RBFOX1: variants seen among roughly 807,000 people sequenced by gnomAD.
RBFOX1 encodes RNA binding protein fox-1 homolog 1.
In RBFOX1, 8 loss-of-function variants were observed where a neutral mutation model predicts 57.7. The observed-to-expected ratio is 0.14, with a 90% CI of 0.08 to 0.25. RBFOX1 has a LOEUF of 0.25. Ranked by LOEUF, RBFOX1 falls within the 10% of genes least tolerant of loss-of-function variation. The probability of loss-of-function intolerance (pLI) is 1.00; values close to 1 mark genes in which losing one functional copy is unlikely to be tolerated. For missense variants in RBFOX1, 611 were observed against 548.5 expected (o/e 1.11, Z -1.14); for synonymous variants, 326 against 222.4 (o/e 1.47, Z -4.15).
chr16:6,310,911 AAAAAAAAAAG>A (rs761463443), intron 1 of RBFOX1, among the ~76,000 whole-genome samples: 1 of 68,356 alleles, frequency 1.5e-5, no homozygotes, highest in African/African-American at 7.6e-5. Flanking sequence ...TAAAAAAAAA[AAAAAAAAAAG>A]AACAGAATCC....
chr16:7,355,329 C>T (rs949535711), intron 4 of RBFOX1, among the ~76,000 whole-genome samples: 1 of 152,154 alleles, frequency 6.6e-6, no homozygotes, highest in Non-Finnish European at 1.5e-5. Flanking sequence ...TTTATCATGA[C>T]CGTATTTTCT....
At chr16:7,448,568 C>T (rs567241554) in intron 4 of RBFOX1, among the ~76,000 whole-genome samples, 13 of 152,244 alleles carry the variant, frequency 8.5e-5, no homozygotes, top group East Asian at 3.9e-4. Context: ...TACCTCCAAC[C>T]GGGTCCCTCC....
At chr16:5,644,781 G>T (rs541950854) in intron 3 of RBFOX1, among the ~76,000 whole-genome samples, 1 of 152,300 alleles carries the variant, frequency 6.6e-6, no homozygotes, top group South Asian at 2.1e-4. Flanking sequence ...TTGTGTATCC[G>T]TTTATCAGCT....
At chr16:6,349,884 T>C (rs954213906) in intron 2 of RBFOX1, among the ~76,000 whole-genome samples, 3 of 152,128 alleles carry the variant, frequency 2.0e-5, no homozygotes, top group Non-Finnish European at 4.4e-5. Context: ...GGAAGGCAAG[T>C]TGGTTTAGAA....
At chr16:6,936,290 T>G (rs1213545508) in intron 3 of RBFOX1, among the ~76,000 whole-genome samples, 1 of 152,222 alleles carries the variant, frequency 6.6e-6, no homozygotes, top group East Asian at 1.9e-4. Context: ...TTCCGTTTTA[T>G]GCCGTTAAGT....
rs537713925 is a variant in RBFOX1, at chr16:7,346,223, G to A, written c.28-171924G>A. ...GTGCGACATTTTCTTAATCCAGTCTGTCATTGATGGACATTTGGTTTGGTT... is the reference window on the plus strand; with the variant it reads ...GTGCGACATTTTCTTAATCCAGTCTATCATTGATGGACATTTGGTTTGGTT... On this transcript the variant is annotated intron_variant, in intron 4 of 15. Transcript: ENST00000550418. Among the ~76,000 whole-genome samples, 475 of 152,084 alleles carry A rather than the reference G, an allele frequency of 3.1e-3. 2 individuals carry two copies. The highest frequency in any genetic ancestry group is 0.011 in the African/African-American group (440 of 41,512).
chr16:5,781,898 A>G (rs993243803), intron 3 of RBFOX1, among the ~76,000 whole-genome samples: 1 of 152,224 alleles, frequency 6.6e-6, no homozygotes, highest in Non-Finnish European at 1.5e-5. Flanking sequence ...TGCCTGAGAC[A>G]GGGTAATTTA....
In RBFOX1 at chr16:7,164,603, C is replaced by G. The variant is rs538679883; in HGVS notation, c.27+112505C>G. Among the ~76,000 whole-genome samples, 10 of 152,296 alleles carry G rather than the reference C, an allele frequency of 6.6e-5. 1 individual carries two copies. In the South Asian group the frequency reaches 2.1e-3, roughly 32 times the overall value. ...AAATCCTCTTGTCTAGAGAAAACCA[C>G]TTTTAATAACGTGTAATTTCTTTTC... On this transcript the variant is annotated intron_variant, in intron 4 of 15. Coordinates refer to ENST00000550418, the MANE Select transcript of RBFOX1 (RefSeq NM_018723.4).
intron 1 of RBFOX1, among the ~76,000 whole-genome samples, chr16:6,166,082 C>G (rs975767832): frequency 2.0e-5 from 3 of 152,182 alleles, no homozygotes; most frequent in African/African-American, 7.2e-5. Flanking sequence ...GTAGTCTTTT[C>G]TCTTCCTACT....
chr16:5,695,302 C>G (rs536268858), intron 3 of RBFOX1, among the ~76,000 whole-genome samples: 24 of 152,184 alleles, frequency 1.6e-4, no homozygotes, highest in African/African-American at 5.5e-4. Flanking sequence ...ACTCAATAAT[C>G]ATTACATTTC....
chr16:5,745,585 C>T (rs2052947289), intron 3 of RBFOX1, among the ~76,000 whole-genome samples: 2 of 152,162 alleles, frequency 1.3e-5, no homozygotes, highest in Non-Finnish European at 2.9e-5. Flanking sequence ...CCTATTTCTC[C>T]ACATCCTGTC....
At chr16:5,703,354 CT>C (rs1377184022) in intron 3 of RBFOX1, among the ~76,000 whole-genome samples, 2 of 152,254 alleles carry the variant, frequency 1.3e-5, no homozygotes, top group Non-Finnish European at 2.9e-5. Context: ...CAGGGAAGAG[CT>C]GCTGAGGGAG....
At chr16:7,463,578 C>T (rs1190310546) in intron 4 of RBFOX1, among the ~76,000 whole-genome samples, 5 of 152,140 alleles carry the variant, frequency 3.3e-5, no homozygotes, top group East Asian at 1.9e-4. Context: ...CTTAAGGCCC[C>T]GTCTTCTAAT....
At chr16:5,307,719 A>G (rs75075184) in intron 1 of RBFOX1, among the ~76,000 whole-genome samples, 9,112 of 152,272 alleles carry the variant, frequency 0.06, 433 homozygotes, top group African/African-American at 0.13. Context: ...TCTGTCCCCC[A>G]GGCTGGAGTG....
At chr16:6,752,656 C>T (rs529989528) in intron 3 of RBFOX1, among the ~76,000 whole-genome samples, 22 of 152,272 alleles carry the variant, frequency 1.4e-4, no homozygotes, top group African/African-American at 2.2e-4. Context: ...TCTGGAATAC[C>T]GGTAATAACT....
chr16:6,898,566 C>T (rs534610081), intron 3 of RBFOX1, among the ~76,000 whole-genome samples: 10 of 152,098 alleles, frequency 6.6e-5, no homozygotes, highest in Non-Finnish European at 1.0e-4. Flanking sequence ...CTGTGTTACA[C>T]GGTACATAAA....
intron 4 of RBFOX1, among the ~76,000 whole-genome samples, chr16:7,143,241 A>G (rs941161655): frequency 3.3e-5 from 5 of 151,658 alleles, no homozygotes; most frequent in African/African-American, 4.9e-5. Context: ...ATCAGGGAAA[A>G]TTAGAGAGAG....
At chr16:7,354,834 TATG>T (rs1463775800) in intron 4 of RBFOX1, among the ~76,000 whole-genome samples, 1 of 152,208 alleles carries the variant, frequency 6.6e-6, no homozygotes, top group African/African-American at 2.4e-5. Context: ...TACTAGACAG[TATG>T]ATATAGGACA....
chr16:6,932,582 G>A (rs1030140804), intron 3 of RBFOX1, among the ~76,000 whole-genome samples: 8 of 152,090 alleles, frequency 5.3e-5, no homozygotes, highest in African/African-American at 1.2e-4. Context: ...TAGGTCGTAG[G>A]CCTCACTTCC....
Sources: gnomAD v4.1 joint callset for allele counts (sites outside exome capture counted in the v4.1 genomes callset) on GRCh38, gnomAD v4.1.1 for gene constraint, MANE v1.5 for transcripts, NCBI Gene and HGNC (gene_info 2026-07-23, HGNC 2026-07-21) for gene names.